The following MTREX variants were observed in gnomAD, a reference collection of about 807,000 sequenced individuals.
MTREX encodes exosome RNA helicase MTR4.
In MTREX, 76 loss-of-function variants were observed where a neutral mutation model predicts 135.4. The observed-to-expected ratio is 0.56, with a 90% confidence interval of 0.47 to 0.68. MTREX has a LOEUF of 0.68. MTREX is among the 30% of genes least tolerant of loss of function. The pLI is 0.00. For missense variants in MTREX, 920 were observed against 1,262.1 expected, an observed-to-expected ratio of 0.73 and a Z score of 4.11; for synonymous variants, 404 against 401.6, an observed-to-expected ratio of 1.01 and a Z score of -0.07.
At chr5:55,402,115 A>G (rs1320795157) in intron 21 of MTREX, among the ~76,000 whole-genome samples, 1 of 152,230 alleles carries the variant, frequency 6.6e-6, no homozygotes, top group Non-Finnish European at 1.5e-5. Flanking sequence ...TCATAGTTTT[A>G]AAGCACTCTC....
At chr5:55,378,282 C>T in intron 16 of MTREX, 32 bp from the exon 17 acceptor site, 1 of 1,544,176 alleles carries the variant, frequency 6.5e-7, no homozygotes, top group Non-Finnish European at 8.7e-7. Flanking sequence ...GATGTATAAC[C>T]TTTTAATTTT....
chr5:55,328,955 A>G, intron 5 of MTREX, 144 bp downstream of exon 5: 4 of 507,378 alleles, frequency 7.9e-6, no homozygotes, highest in Non-Finnish European at 7.0e-6. Context: ...TGAACCTCTA[A>G]TACAATGTTT....
At chr5:55,391,301 G>T (rs1750562190) in intron 19 of MTREX, among the ~76,000 whole-genome samples, 1 of 151,974 alleles carries the variant, frequency 6.6e-6, no homozygotes. Flanking sequence ...ATAACAATTA[G>T]CCAGGCATGG....
intron 1 of MTREX, among the ~76,000 whole-genome samples, chr5:55,313,270 C>T (rs2112018794): frequency 7.5e-6 from 1 of 133,488 alleles, no homozygotes; most frequent in East Asian, 2.3e-4. Context: ...AACCCTGTCT[C>T]TACAAAAAAA....
chr5:55,345,629 A>G (rs1579860812), intron 10 of MTREX, among the ~76,000 whole-genome samples: 1 of 147,466 alleles, frequency 6.8e-6, no homozygotes. Flanking sequence ...GGCTTCTTTC[A>G]CTTAATGTAA....
chr5:55,320,670 TAAC>T (rs1247716816), intron 1 of MTREX, among the ~76,000 whole-genome samples: 6 of 152,328 alleles, frequency 3.9e-5, no homozygotes, highest in South Asian at 2.1e-4. Flanking sequence ...ACTGTCCTGA[TAAC>T]AACATGTGTT....
chr5:55,401,039 G>C (rs1750716243), intron 21 of MTREX, among the ~76,000 whole-genome samples: 1 of 152,012 alleles, frequency 6.6e-6, no homozygotes, highest in African/African-American at 2.4e-5. Context: ...GTCCGTGCAT[G>C]CGTGTGTGTG....
chr5:55,321,143 T>A (rs1016479831), intron 1 of MTREX, among the ~76,000 whole-genome samples: 1 of 152,184 alleles, frequency 6.6e-6, no homozygotes, highest in Non-Finnish European at 1.5e-5. Context: ...TTTAAAAAAA[T>A]TTTAATCTTA....
At chr5:55,332,948 G>A (rs998725754) in intron 5 of MTREX, among the ~76,000 whole-genome samples, 34 of 151,552 alleles carry the variant, frequency 2.2e-4, no homozygotes, top group African/African-American at 7.8e-4. Flanking sequence ...TCCTAATTCC[G>A]TCATCTGTCT....
intron 13 of MTREX, among the ~76,000 whole-genome samples, 191 bp from the exon 14 acceptor site, chr5:55,352,977 G>A (rs888422004): frequency 1.3e-5 from 2 of 152,150 alleles, no homozygotes; most frequent in African/African-American, 4.8e-5. Flanking sequence ...TCTGGGCTAC[G>A]AGAGACATTA....
intron 10 of MTREX, among the ~76,000 whole-genome samples, chr5:55,345,888 A>G (rs2112063595): frequency 6.6e-6 from 1 of 152,128 alleles, no homozygotes; most frequent in East Asian, 1.9e-4. Flanking sequence ...GGCAGATCTC[A>G]AACTCCTGAC....
chr5:55,363,099 A>C (rs1750044257), intron 15 of MTREX, among the ~76,000 whole-genome samples: 1 of 152,304 alleles, frequency 6.6e-6, no homozygotes, highest in South Asian at 2.1e-4. Context: ...TTGAAGGAAA[A>C]ATAATTTTGA....
intron 21 of MTREX, among the ~76,000 whole-genome samples, chr5:55,404,097 G>T (rs1285084858): frequency 6.6e-6 from 1 of 152,258 alleles, no homozygotes; most frequent in African/African-American, 2.4e-5. Flanking sequence ...AGAGGACATT[G>T]GTAGTCTCTG....
intron 5 of MTREX, among the ~76,000 whole-genome samples, chr5:55,332,303 A>C (rs1172303414): frequency 6.6e-6 from 1 of 152,170 alleles, no homozygotes; most frequent in African/African-American, 2.4e-5. Flanking sequence ...AACTTTTACA[A>C]TTTATAACAT....
chr5:55,361,476 G>T (rs185606293), intron 15 of MTREX, among the ~76,000 whole-genome samples: 1 of 152,262 alleles, frequency 6.6e-6, no homozygotes, highest in East Asian at 1.9e-4. Flanking sequence ...ATAATTTAAT[G>T]ATTGTGAATT....
At chr5:55,333,001 A>G (rs769368463) in intron 5 of MTREX, among the ~76,000 whole-genome samples, 11 of 151,668 alleles carry the variant, frequency 7.3e-5, no homozygotes, top group Non-Finnish European at 1.5e-4. Flanking sequence ...CCTTGTCATT[A>G]TAGGTTATAT....
intron 1 of MTREX, among the ~76,000 whole-genome samples, chr5:55,310,348 C>T (rs1579840812): frequency 6.6e-6 from 1 of 152,202 alleles, no homozygotes; most frequent in South Asian, 2.1e-4. Context: ...TGGTGGCTCA[C>T]GCCTCTAATC....
intron 19 of MTREX, among the ~76,000 whole-genome samples, chr5:55,392,163 G>T (rs1438169278): frequency 1.3e-5 from 2 of 152,112 alleles, no homozygotes; most frequent in Non-Finnish European, 2.9e-5. Context: ...TTTTTTAATT[G>T]TGTGTGGCCA....
intron 2 of MTREX, 89 bp from the exon 3 acceptor site, chr5:55,324,043 C>G: frequency 1.1e-6 from 1 of 901,414 alleles, no homozygotes. Context: ...TGGACAGTGT[C>G]ATTTTCCTTA....
Sources: allele counts gnomAD v4.1 joint callset (sites outside exome capture counted in the v4.1 genomes callset), GRCh38; gene constraint gnomAD v4.1.1; transcripts MANE v1.5; gene names NCBI Gene and HGNC (gene_info 2026-07-23, HGNC 2026-07-21).